Variants in CD1A observed in about 807,000 individuals in gnomAD.
CD1A encodes the protein T-cell surface glycoprotein CD1a.
A neutral mutation model predicts 38.3 loss-of-function variants in CD1A; 50 were observed. The observed-to-expected ratio is 1.30, with a 90% CI of 1.04 to 1.65. The LOEUF is 1.65. Among genes scored for constraint, CD1A ranks in the 40% most tolerant of loss-of-function variants. The pLI is 0.00. For missense variants in CD1A, 459 were observed against 406.1 expected, an observed-to-expected ratio of 1.13 and a Z score of -1.12; for synonymous variants, 160 against 150.8, an observed-to-expected ratio of 1.06 and a Z score of -0.45.
upstream of CD1A, among the ~76,000 whole-genome samples, chr1:158,251,406 T>A (rs1650084637): frequency 2.0e-5 from 3 of 152,338 alleles, no homozygotes; most frequent in South Asian, 6.2e-4. Flanking sequence ...GCTGTTTTGC[T>A]GTTGCTGCAA....
upstream of CD1A, among the ~76,000 whole-genome samples, chr1:158,253,627 C>T (rs529546284): frequency 1.3e-5 from 2 of 152,280 alleles, no homozygotes; most frequent in South Asian, 4.1e-4. Flanking sequence ...TAAGCACCTA[C>T]CACTTGTGAG....
chr1:158,255,606 G>T (rs440419), intron 2 of CD1A, among the ~76,000 whole-genome samples: 61,112 of 151,886 alleles, frequency 0.4, 13,824 homozygotes, highest in East Asian at 0.64. Context: ...AGGTATCCCA[G>T]GACCACCCTT....
At chr1:158,253,760 A>G (rs1650146639), upstream of CD1A, among the ~76,000 whole-genome samples, 1 of 152,146 alleles carries the variant, frequency 6.6e-6, no homozygotes, top group African/African-American at 2.4e-5. Flanking sequence ...AGAAAATATT[A>G]TTTCAAGCAG....
chr1:158,257,615 C>T (rs1571121882), intron 5 of CD1A, 66 bp from the exon 6 acceptor site: 22 of 1,582,504 alleles, frequency 1.4e-5, no homozygotes, highest in Non-Finnish European at 1.9e-5. Context: ...CAGTCCCCTT[C>T]CCTCTTGCTC....
chr1:158,254,706 C>T lies in CD1A; in HGVS notation c.37C>T (p.Pro13Ser). 1 of 1,613,532 alleles carries T rather than the reference C, an allele frequency of 6.2e-7. No homozygotes were observed. Among genetic ancestry groups the T allele is most frequent in the African/African-American group, 1.3e-5 (1 of 74,898 alleles). The part of the protein sequence containing the change: ...FLLLPLLAVL[P>S]GDGNADGLKE... ...GCTACTTCCATTGTTAGCTGTTCTC[C>T]CAGGTGATGGCAATGCAGACGGTAA... is the stretch of plus-strand genomic sequence containing the variant. Residue 13 changes from proline to serine, a missense_variant, in exon 1 of 6, where the codon CCA (proline) becomes TCA (serine). By Grantham distance (74) the Pro-to-Ser change is moderately conservative. Transcript: ENST00000289429.
At position 158,256,066 on chromosome 1, in the gene CD1A, T is replaced by C; in HGVS notation, c.388T>C (p.Phe130Leu). The change falls in exon 3 of 6, where the codon TTC becomes CTC. Residue 130 changes from phenylalanine to leucine, a missense_variant. Phe to Leu is a conservative substitution (Grantham distance 22, BLOSUM62 0). Coordinates refer to ENST00000289429, the MANE Select transcript of CD1A (RefSeq NM_001763.3). Reference sequence around the variant, plus strand: ...GCACTCTGGAAAGGTCTCAGGAAGCTTCTTGCAGTTAGCTTATCAAGGATC... The same window carrying C: ...GCACTCTGGAAAGGTCTCAGGAAGCCTCTTGCAGTTAGCTTATCAAGGATC... ...ELHSGKVSGS[F>L]LQLAYQGSDF... 1 of 1,614,228 alleles carries C rather than the reference T, an allele frequency of 6.2e-7. No homozygotes were observed. The highest frequency in any genetic ancestry group is 8.5e-7 in the Non-Finnish European group (1 of 1,180,028).
chr1:158,250,398 G>C (rs1403117762), upstream of CD1A, among the ~76,000 whole-genome samples: 1 of 152,202 alleles, frequency 6.6e-6, no homozygotes, highest in Non-Finnish European at 1.5e-5. Context: ...AAGAATTTAA[G>C]GATGATGATC....
At chr1:158,250,608 T>G (rs1425986887), upstream of CD1A, among the ~76,000 whole-genome samples, 2 of 152,192 alleles carry the variant, frequency 1.3e-5, no homozygotes, top group African/African-American at 4.8e-5. Context: ...TCTGCCATCT[T>G]CCACCTTGGT....
Position 158,257,053 on chromosome 1 carries a change from T to A in CD1A, c.872T>A (p.Val291Asp). The A allele has an allele frequency of 1.2e-6, 2 of 1,610,570 alleles. No individual in the cohort carries two copies. Among genetic ancestry groups the A allele is most frequent in the Non-Finnish European group, 1.7e-6 (2 of 1,177,386 alleles). Residue 291 changes from valine to aspartate, a missense_variant, in exon 4 of 6, where the codon GTC becomes GAC. Coordinates refer to ENST00000289429, the MANE Select transcript of CD1A (RefSeq NM_001763.3). The stretch of plus-strand genomic sequence containing the variant: ...AGCAGTCTAGAGGGCCAGGACATCG[T>A]CCTCTACTGGGGTGAGAAAAAGCTA... ...KHSSLEGQDI[V>D]LYWEHHSSVG...
chr1:158,253,399 A>G (rs1303930402), upstream of CD1A, among the ~76,000 whole-genome samples: 1 of 152,196 alleles, frequency 6.6e-6, no homozygotes, highest in Non-Finnish European at 1.5e-5. Flanking sequence ...AGTTTCTTAT[A>G]AGTAATAGGA....
At chr1:158,257,102 A>G in intron 4 of CD1A, 38 bp downstream of exon 4, 1 of 1,574,914 alleles carries the variant, frequency 6.3e-7, no homozygotes, top group South Asian at 1.2e-5. Context: ...AAATGCCAGG[A>G]AGTGGACCTC....
At chr1:158,256,437 G>T (rs969007372) in intron 3 of CD1A, among the ~76,000 whole-genome samples, 155 bp downstream of exon 3, 1 of 152,128 alleles carries the variant, frequency 6.6e-6, no homozygotes, top group African/African-American at 2.4e-5. Context: ...GGGAAGCTGA[G>T]GCTGGAGGAC....
At position 158,257,429 on chromosome 1, in the gene CD1A, A is replaced by G; in HGVS notation, c.892A>G (p.Ser298Gly). 1.9e-6 allele frequency: 3 copies of G among 1,613,470 alleles called. No individual in the cohort carries two copies. Among genetic ancestry groups the G allele is most frequent in the African/African-American group, 1.3e-5 (1 of 75,040 alleles). ...QDIVLYWEHH[S>G]SVGFIILAVI... ...TCTCCCCAAATTCACAGAGCATCACAGTTCCGTGGGCTTCATCATCTTGGC... is the reference window on the plus strand; with the variant it reads ...TCTCCCCAAATTCACAGAGCATCACGGTTCCGTGGGCTTCATCATCTTGGC... The change falls in exon 5 of 6, where the codon AGT (serine) becomes GGT (glycine). Residue 298 changes from serine (S) to glycine (G), a missense_variant. Coordinates refer to ENST00000289429, the MANE Select transcript of CD1A (RefSeq NM_001763.3).
chr1:158,255,886 A>AATTTTATT, intron 2 of CD1A, 118 bp from the exon 3 acceptor site: 2 of 1,065,856 alleles, frequency 1.9e-6, no homozygotes, highest in Middle Eastern at 2.7e-4. Flanking sequence ...GACCAAACCA[A>AATTTTATT]ATTTTATTCC....
rs1650286170 is a variant in CD1A, at chr1:158,257,126, G to C, written c.883+62G>C. On this transcript the variant is annotated intron_variant, in intron 4 of 5. Coordinates refer to ENST00000289429, the MANE Select transcript of CD1A (RefSeq NM_001763.3). ...GAAGTGGACCTCAGGCATAGAGGGA[G>C]GGCAAGCTGAAAATTTTAGGATTTT... The C allele has an allele frequency of 3.3e-6, 5 of 1,529,632 alleles. No individual in the cohort carries two copies. In the South Asian group the frequency reaches 3.9e-5, roughly 12 times the overall value. 94.8% of individuals were successfully genotyped at this position (1,529,632 alleles called of 1,614,324 possible). A position where few individuals can be genotyped will look rare whatever the true frequency, so the allele number is the denominator to read the frequency against.
At chr1:158,249,383 A>G in the CD1A span, among the ~76,000 whole-genome samples, 2 of 152,156 alleles carry the variant, frequency 1.3e-5, no homozygotes, top group Middle Eastern at 3.2e-3. Flanking sequence ...TTTCTGGTAC[A>G]TAGAGTACAC....
In CD1A at chr1:158,257,703, G is replaced by T. The variant is rs1396963876; in HGVS notation, c.*13G>T. 1.2e-6 allele frequency: 2 copies of T among 1,613,586 alleles called. No homozygotes were observed. Among genetic ancestry groups the T allele is most frequent in the South Asian group, 2.2e-5 (2 of 91,070 alleles). On this transcript the variant is annotated 3_prime_UTR_variant, in exon 6 of 6. Coordinates refer to ENST00000289429, the MANE Select transcript of CD1A (RefSeq NM_001763.3). ...CAGTTTCTGTTAAGACACACCATGA[G>T]CCTCCTCGTCACCCTTCTCCTTTTG...
upstream of CD1A, among the ~76,000 whole-genome samples, chr1:158,252,752 G>C (rs866483522): frequency 2.6e-5 from 4 of 151,988 alleles, no homozygotes; most frequent in Middle Eastern, 6.8e-3. Flanking sequence ...ATCAAAGTTA[G>C]CCAGGCATGG....
At position 158,254,447 on chromosome 1, in the gene CD1A, G is replaced by C. The variant is rs1387097496; in HGVS notation, c.-223G>C. 10 of 1,380,586 alleles carry C rather than the reference G, an allele frequency of 7.2e-6. No individual in the cohort carries two copies. The highest frequency in any genetic ancestry group is 1.5e-5 in the South Asian group (1 of 65,530). 85.5% of individuals were successfully genotyped at this position (1,380,586 alleles called of 1,614,324 possible). ...ATAAGTTGGAGGTTGGTGACAAGGA[G>C]AGAAGCTGGAACAGAGAGGAGAGTC... On this transcript the variant is annotated 5_prime_UTR_variant, in exon 1 of 6. Coordinates refer to ENST00000289429, the MANE Select transcript of CD1A (RefSeq NM_001763.3).
Sources: allele counts gnomAD v4.1 joint callset (sites outside exome capture counted in the v4.1 genomes callset), GRCh38; gene constraint gnomAD v4.1.1; transcripts MANE v1.5; gene names NCBI Gene and HGNC (gene_info 2026-07-23, HGNC 2026-07-21).